The following RABGAP1 variants were observed in gnomAD, a reference collection of about 807,000 sequenced individuals.
RABGAP1 encodes rab GTPase-activating protein 1.
A neutral mutation model predicts 137.6 loss-of-function variants in RABGAP1; 23 were observed. The observed-to-expected ratio is 0.17, with a 90% CI of 0.12 to 0.24. The LOEUF (loss-of-function observed/expected upper bound fraction) is 0.24. Ranked by LOEUF, RABGAP1 falls within the 10% of genes least tolerant of loss-of-function variation. RABGAP1 has a pLI of 1.00. For missense variants in RABGAP1, 906 were observed against 1,275.8 expected (o/e 0.71, Z 4.42); for synonymous variants, 451 against 450.7 (o/e 1.00, Z -0.01).
At chr9:122,982,390 A>G (rs553837459) in intron 2 of RABGAP1, among the ~76,000 whole-genome samples, 1 of 152,352 alleles carries the variant, frequency 6.6e-6, no homozygotes, top group East Asian at 1.9e-4. Flanking sequence ...TGTGATTGGT[A>G]AGTATATTTC....
At chr9:122,935,816 C>A in the RABGAP1 span, among the ~76,000 whole-genome samples, 1 of 152,120 alleles carries the variant, frequency 6.6e-6, no homozygotes, top group South Asian at 2.1e-4. Flanking sequence ...TTCAAAATGT[C>A]GGTTTCTCTT....
chr9:123,023,751 C>T (rs1161012945), intron 13 of RABGAP1, among the ~76,000 whole-genome samples: 29 of 152,054 alleles, frequency 1.9e-4, no homozygotes, highest in Non-Finnish European at 1.5e-5. Flanking sequence ...ACATATTATA[C>T]TTATTTAGAC....
chr9:122,942,594 C>T (rs897312833), intron 1 of RABGAP1, among the ~76,000 whole-genome samples: 2 of 134,320 alleles, frequency 1.5e-5, no homozygotes, highest in South Asian at 2.6e-4. Flanking sequence ...CGCTTGAACC[C>T]GGGAGGCAGA....
At chr9:123,025,829 G>A (rs1343099600) in intron 13 of RABGAP1, among the ~76,000 whole-genome samples, 1 of 151,464 alleles carries the variant, frequency 6.6e-6, no homozygotes, top group East Asian at 1.9e-4. Context: ...CAGTAAAAAC[G>A]GTTTTACCTC....
intron 10 of RABGAP1, among the ~76,000 whole-genome samples, chr9:123,007,095 T>TA (rs397823110): frequency 1.3e-5 from 2 of 150,824 alleles, no homozygotes; most frequent in Admixed American, 1.3e-4. Flanking sequence ...GTTTATTTTT[T>TA]ATTTTTTTTA....
intron 2 of RABGAP1, among the ~76,000 whole-genome samples, chr9:122,959,672 T>C (rs187649365): frequency 6.6e-6 from 1 of 152,298 alleles, no homozygotes; most frequent in Admixed American, 6.5e-5. Context: ...CTGAGAGAGA[T>C]GGTAACTCTT....
At chr9:122,943,219 C>A (rs1157562245) in intron 1 of RABGAP1, among the ~76,000 whole-genome samples, 4 of 151,816 alleles carry the variant, frequency 2.6e-5, no homozygotes, top group African/African-American at 9.7e-5. Context: ...AGGCGTGTGC[C>A]ACCACGCCTA....
chr9:122,942,413 C>T (rs1331657378), intron 1 of RABGAP1, among the ~76,000 whole-genome samples: 1 of 152,070 alleles, frequency 6.6e-6, no homozygotes, highest in Non-Finnish European at 1.5e-5. Flanking sequence ...GCGTTCACGC[C>T]TGTGATCCAG....
chr9:123,034,417 A>G, intron 13 of RABGAP1: 2 of 632,634 alleles, frequency 3.2e-6, no homozygotes, highest in South Asian at 1.9e-5. Flanking sequence ...GCAATGCACC[A>G]GAGCAGCAGC....
At position 123,070,363 on chromosome 9, in the gene RABGAP1, A is replaced by G; in HGVS notation, c.1922A>G (p.Tyr641Cys). 2 of 1,613,998 alleles carry G rather than the reference A, an allele frequency of 1.2e-6. No individual in the cohort carries two copies. The highest frequency in any genetic ancestry group is 2.2e-5 in the East Asian group (1 of 44,880). ...TTTATTTTCCAGGCTTATTCTGTGT[A>G]TGATGAAGAGATTGGTTATTGCCAG... ...LYKICKAYSV[Y>C]DEEIGYCQGQ... The change falls in exon 15 of 26, where the codon TAT (tyrosine) becomes TGT (cysteine). Residue 641 changes from tyrosine (Y) to cysteine (C), a missense_variant. Tyr to Cys is a radical substitution (Grantham distance 194, BLOSUM62 -2). Around this residue, in one of 9 missense-constraint regions of RABGAP1, gnomAD observed 30 missense variants for 105.8 expected, o/e 0.28. Coordinates refer to ENST00000373647, the MANE Select transcript of RABGAP1 (RefSeq NM_012197.4). This position sits in a 1 kb window ranked among gnomAD's most constrained non-coding sequence, Gnocchi z 4.4.
At chr9:123,099,389 C>A in intron 23 of RABGAP1, 89 bp from the exon 24 acceptor site, 1 of 1,246,636 alleles carries the variant, frequency 8.0e-7, no homozygotes, top group Non-Finnish European at 1.2e-6. Context: ...TATGTTAATT[C>A]CAATTTACAT....
intron 13 of RABGAP1, among the ~76,000 whole-genome samples, chr9:123,040,862 G>A (rs530646674): frequency 6.6e-6 from 1 of 152,174 alleles, no homozygotes; most frequent in Non-Finnish European, 1.5e-5. Flanking sequence ...AGGCAGATGA[G>A]TTGGAAAGGA....
rs190973363 is a variant in RABGAP1, at chr9:123,103,363, C to G, written c.*150C>G. 1.6e-6 allele frequency: 2 copies of G among 1,258,858 alleles called. No homozygotes were observed. Among genetic ancestry groups the G allele is most frequent in the Non-Finnish European group, 2.2e-6 (2 of 923,936 alleles). 78.0% of individuals were successfully genotyped at this position (1,258,858 alleles called of 1,614,324 possible). ...ATGTTGGTAGGTCACTGGACCAGAG[C>G]TTGTGAAGCAGGCAACCTCTGGGGT... On this transcript the variant is annotated 3_prime_UTR_variant, in exon 26 of 26. Transcript: ENST00000373647.
intron 13 of RABGAP1, among the ~76,000 whole-genome samples, chr9:123,028,965 T>A (rs990831651): frequency 3.9e-5 from 6 of 152,206 alleles, no homozygotes; most frequent in Admixed American, 6.5e-5. Flanking sequence ...TTATATATAT[T>A]TTTTGCTTAT....
the RABGAP1 span, among the ~76,000 whole-genome samples, chr9:122,932,904 C>T: frequency 2.6e-5 from 4 of 152,102 alleles, no homozygotes; most frequent in East Asian, 3.8e-4. Flanking sequence ...TCCAGTTTTC[C>T]TTCTGTTATT....
intron 10 of RABGAP1, among the ~76,000 whole-genome samples, chr9:123,002,951 C>T (rs939186874): frequency 1.1e-4 from 17 of 152,162 alleles, no homozygotes; most frequent in African/African-American, 4.1e-4. Context: ...CAGGAAATTC[C>T]CGATGATAAT....
intron 13 of RABGAP1, chr9:123,035,216 T>C (rs1416392605): frequency 4.3e-6 from 7 of 1,614,148 alleles, no homozygotes; most frequent in East Asian, 2.2e-5. Flanking sequence ...ATCTTCCGCA[T>C]CTGCCAACAG....
At chr9:123,094,365 TC>T (rs2035118900) in intron 21 of RABGAP1, among the ~76,000 whole-genome samples, 1 of 152,326 alleles carries the variant, frequency 6.6e-6, no homozygotes, top group South Asian at 2.1e-4. Context: ...TCTCCTCTGT[TC>T]CTGTTTGCTG....
At chr9:122,933,952 G>A in the RABGAP1 span, among the ~76,000 whole-genome samples, 1 of 151,258 alleles carries the variant, frequency 6.6e-6, no homozygotes, top group Non-Finnish European at 1.5e-5. Context: ...TTTTTTTGTA[G>A]AGACCGCGCC....
Sources: gnomAD v4.1 joint callset for allele counts (sites outside exome capture counted in the v4.1 genomes callset) on GRCh38, gnomAD v4.1.1 for gene constraint, gnomAD v4.1.1 regional missense constraint, Gnocchi (gnomAD v3.1) non-coding constraint, MANE v1.5 for transcripts, NCBI Gene and HGNC (gene_info 2026-07-23, HGNC 2026-07-21) for gene names.